The following DPF3 variants were observed in gnomAD, a reference collection of about 807,000 sequenced individuals.
DPF3 encodes the protein double PHD fingers 3.
DPF3 carries 18 observed loss-of-function variants against 56.8 expected under a neutral mutation model. The ratio of observed to expected loss-of-function variants is 0.32; its 90% CI spans 0.22 to 0.47. The LOEUF (loss-of-function observed/expected upper bound fraction) is 0.47, where lower values mean the gene tolerates loss of function less well. Ranked by LOEUF, DPF3 falls within the 20% of genes least tolerant of loss-of-function variation. The probability of loss-of-function intolerance (pLI) is 1.00; values close to 1 mark genes in which losing one functional copy is unlikely to be tolerated. For synonymous variants in DPF3, 188 were observed against 180.2 expected (o/e 1.04, Z -0.35); for missense variants, 403 against 488.8 (o/e 0.82, Z 1.65).
intron 8 of DPF3, among the ~76,000 whole-genome samples, chr14:72,664,630 C>G (rs1003946988): frequency 6.6e-6 from 1 of 152,034 alleles, no homozygotes; most frequent in Admixed American, 6.6e-5. Context: ...CACCACCTCC[C>G]ACCTGCCCCC....
At chr14:72,692,287 C>T (rs1478102131) in intron 7 of DPF3, among the ~76,000 whole-genome samples, 1 of 152,174 alleles carries the variant, frequency 6.6e-6, no homozygotes, top group African/African-American at 2.4e-5. Context: ...GTGTGGCCCA[C>T]ATCTTCAAGC....
At chr14:72,788,837 C>T (rs1892316905) in intron 1 of DPF3, among the ~76,000 whole-genome samples, 2 of 152,196 alleles carry the variant, frequency 1.3e-5, no homozygotes, top group African/African-American at 4.8e-5. Flanking sequence ...AAAGTTGAGG[C>T]CAGGCCTGAG....
intron 1 of DPF3, among the ~76,000 whole-genome samples, chr14:72,876,304 A>T (rs1403785905): frequency 6.6e-6 from 1 of 152,138 alleles, no homozygotes; most frequent in Non-Finnish European, 1.5e-5. Context: ...AATGCATAAC[A>T]AATGAAACCA....
chr14:72,648,064 C>T (rs1271532149), intron 8 of DPF3, among the ~76,000 whole-genome samples: 1 of 152,218 alleles, frequency 6.6e-6, no homozygotes, highest in East Asian at 1.9e-4. Context: ...TCTTCACCTA[C>T]TCTTGGCCTA....
At chr14:72,660,834 G>A (rs1375613485) in intron 8 of DPF3, among the ~76,000 whole-genome samples, 1 of 152,124 alleles carries the variant, frequency 6.6e-6, no homozygotes, top group Non-Finnish European at 1.5e-5. Flanking sequence ...ACCAACCCTG[G>A]GCATTGTTCA....
At chr14:72,635,926 T>C (rs932619748) in intron 8 of DPF3, among the ~76,000 whole-genome samples, 1 of 152,222 alleles carries the variant, frequency 6.6e-6, no homozygotes, top group Admixed American at 6.5e-5. Flanking sequence ...TAAATAACTT[T>C]GGAATCAGCA....
intron 1 of DPF3, among the ~76,000 whole-genome samples, chr14:72,888,781 T>G (rs1300214989): frequency 1.3e-5 from 2 of 152,210 alleles, no homozygotes; most frequent in African/African-American, 4.8e-5. Context: ...GTTTGCAACA[T>G]TTGGCTACAT....
intron 1 of DPF3, among the ~76,000 whole-genome samples, chr14:72,867,912 G>A (rs918464673): frequency 9.2e-5 from 14 of 151,924 alleles, no homozygotes; most frequent in African/African-American, 3.1e-4. Context: ...CTATTTTTTT[G>A]TATTTTTTTC....
chr14:72,879,824 A>G, intron 1 of DPF3: 3 of 1,535,622 alleles, frequency 2.0e-6, no homozygotes, highest in Non-Finnish European at 2.6e-6. Flanking sequence ...ATGGGCCTCC[A>G]GGGCATCCAG....
rs376458640 is a variant in DPF3, at chr14:72,838,908, C to CTTTTTTTTT, written c.32+55140_32+55148dup. 1.1e-3 allele frequency among the ~76,000 whole-genome samples: 87 copies of CTTTTTTTTT among 78,578 alleles called. 6 individuals are homozygous for CTTTTTTTTT. The highest frequency in any genetic ancestry group is 2.3e-3 in the African/African-American group (33 of 14,406). The allele number at this position is 78,578 out of a possible 152,430, so 51.6% of individuals were successfully genotyped here. The stretch of plus-strand genomic sequence containing the variant: ...TATCATATATATTATCATATATATT[C>CTTTTTTTTT]TTTTTTTTTTTTTTTTTTTTTTTTT... On this transcript the variant is annotated intron_variant, in intron 1 of 10. Coordinates refer to ENST00000556509, the MANE Select transcript of DPF3 (RefSeq NM_001280542.3).
intron 1 of DPF3, chr14:72,836,330 C>T (rs541311238): frequency 2.8e-5 from 28 of 985,526 alleles, no homozygotes; most frequent in African/African-American, 7.0e-5. Flanking sequence ...ATAAAGTGAC[C>T]GAATGTGAAT....
chr14:72,789,372 A>G (rs1035977127), intron 1 of DPF3, among the ~76,000 whole-genome samples: 1 of 152,204 alleles, frequency 6.6e-6, no homozygotes, highest in African/African-American at 2.4e-5. Context: ...TCAGTGGCCA[A>G]GTCAGGATTT....
chr14:72,764,402 G>T (rs971505976), intron 2 of DPF3, among the ~76,000 whole-genome samples: 1 of 146,668 alleles, frequency 6.8e-6, no homozygotes, highest in African/African-American at 2.5e-5. Flanking sequence ...CTTGCCCCGT[G>T]TACCTCTTCC....
At chr14:72,689,270 T>C (rs1431744307) in intron 7 of DPF3, among the ~76,000 whole-genome samples, 2 of 152,070 alleles carry the variant, frequency 1.3e-5, no homozygotes, top group African/African-American at 4.8e-5. Flanking sequence ...CTGCAGGTGG[T>C]GCAAACCCAG....
intron 1 of DPF3, among the ~76,000 whole-genome samples, chr14:72,773,371 C>T (rs931989821): frequency 1.1e-4 from 17 of 151,986 alleles, no homozygotes; most frequent in African/African-American, 3.9e-4. Context: ...TGACCTCAGG[C>T]GATCCACCCG....
intron 4 of DPF3, among the ~76,000 whole-genome samples, chr14:72,728,566 G>T (rs1322536051): frequency 6.6e-6 from 1 of 152,128 alleles, no homozygotes; most frequent in Non-Finnish European, 1.5e-5. Flanking sequence ...TTTTAGCAGA[G>T]TTTTGCTCTA....
chr14:72,864,849 C>A (rs1053246771), intron 1 of DPF3, among the ~76,000 whole-genome samples: 1 of 152,186 alleles, frequency 6.6e-6, no homozygotes, highest in Admixed American at 6.5e-5. Flanking sequence ...TGCCAGTGTC[C>A]CCACAAGCCA....
chr14:72,825,690 T>TGCCCAGCCCAGCCCA (rs71961480), intron 1 of DPF3, among the ~76,000 whole-genome samples: 1 of 147,354 alleles, frequency 6.8e-6, no homozygotes, highest in African/African-American at 2.5e-5. Flanking sequence ...CCACAGGCTC[T>TGCCCAGCCCAGCCCA]GCCCAGCCCA....
intron 3 of DPF3, among the ~76,000 whole-genome samples, chr14:72,744,498 C>T (rs995923053): frequency 2.0e-5 from 3 of 152,160 alleles, no homozygotes; most frequent in South Asian, 4.1e-4. Context: ...CAGCTCCCCA[C>T]TTTCCAGCCT....
Sources: gnomAD v4.1 joint callset for allele counts (sites outside exome capture counted in the v4.1 genomes callset) on GRCh38, gnomAD v4.1.1 for gene constraint, MANE v1.5 for transcripts, NCBI Gene and HGNC (gene_info 2026-07-23, HGNC 2026-07-21) for gene names.